The following GPM6B variants were observed in gnomAD, a reference collection of about 807,000 sequenced individuals.
GPM6B encodes glycoprotein M6B, also known as neuronal membrane glycoprotein M6-b.
Under a neutral mutation model 27.2 loss-of-function variants are expected in GPM6B, and 4 were observed. The observed-to-expected ratio is 0.15, with a 90% CI of 0.07 to 0.34. The LOEUF (loss-of-function observed/expected upper bound fraction) is 0.34, where lower values mean the gene tolerates loss of function less well. Among genes scored for constraint, GPM6B ranks in the 10% least tolerant of loss-of-function variants. The pLI is 1.00. For missense variants in GPM6B, 183 were observed against 261.9 expected (o/e 0.70, Z 2.08); for synonymous variants, 124 against 103.1 (o/e 1.20, Z -1.23).
At chrX:13,859,754 T>C (rs1400411906) in intron 1 of GPM6B, among the ~76,000 whole-genome samples, 1 of 111,435 alleles carries the variant, frequency 9.0e-6, no homozygotes, top group Non-Finnish European at 1.9e-5. Flanking sequence ...ATAGTTGTCA[T>C]AGGGATTAGA....
chrX:13,935,471 T>A (rs1447758326), intron 1 of GPM6B, among the ~76,000 whole-genome samples: 1 of 110,735 alleles, frequency 9.0e-6, no homozygotes, highest in Non-Finnish European at 1.9e-5. Context: ...AGTTATTACA[T>A]CAGGCCACTG....
intron 3 of GPM6B, 46 bp from the exon 4 acceptor site, chrX:13,783,567 G>T (rs376655971): frequency 1.9e-6 from 2 of 1,061,390 alleles, no homozygotes; most frequent in Non-Finnish European, 2.6e-6. Flanking sequence ...TCACTGCCTG[G>T]TAGTGACTAC....
upstream of GPM6B, among the ~76,000 whole-genome samples, chrX:13,818,201 G>A (rs1044041902): frequency 3.6e-5 from 4 of 111,852 alleles, no homozygotes; most frequent in African/African-American, 6.5e-5. Flanking sequence ...ACTGGCCTTC[G>A]CCGTCCCTAT....
chrX:13,901,001 G>T (rs190747956), intron 1 of GPM6B, among the ~76,000 whole-genome samples: 29 of 112,082 alleles, frequency 2.6e-4, no homozygotes, highest in African/African-American at 7.8e-4. Context: ...TGTATGACTT[G>T]CAATGTCCCT....
chrX:13,785,952 A>G (rs2048605309), intron 2 of GPM6B, 144 bp from the exon 3 acceptor site: 1 of 478,442 alleles, frequency 2.1e-6, no homozygotes, highest in Non-Finnish European at 3.5e-6. Context: ...TCGACATCCC[A>G]AGGGCCAGTG....
chrX:13,818,737 T>G (rs1381075324), upstream of GPM6B, among the ~76,000 whole-genome samples: 2 of 112,552 alleles, frequency 1.8e-5, no homozygotes, highest in Non-Finnish European at 3.7e-5. Context: ...ATTATTTCCA[T>G]GGGAAAACCC....
At chrX:13,930,832 C>G (rs185310843) in intron 1 of GPM6B, among the ~76,000 whole-genome samples, 1 of 111,996 alleles carries the variant, frequency 8.9e-6, no homozygotes, top group African/African-American at 3.2e-5. Context: ...TTAAACATTT[C>G]TACAAAGAAA....
intron 1 of GPM6B, among the ~76,000 whole-genome samples, chrX:13,822,471 T>C (rs2049321201): frequency 9.0e-6 from 1 of 110,988 alleles, no homozygotes. Context: ...GTTCAAGCGA[T>C]TCTCCTGCTT....
chrX:13,819,590 C>T (rs1469560722), upstream of GPM6B, among the ~76,000 whole-genome samples: 1 of 112,109 alleles, frequency 8.9e-6, no homozygotes, highest in Non-Finnish European at 1.9e-5. Flanking sequence ...AGCAGTTTCA[C>T]GTGGTTTGAC....
chrX:13,915,520 T>A (rs978162369), intron 1 of GPM6B, among the ~76,000 whole-genome samples: 1 of 111,541 alleles, frequency 9.0e-6, no homozygotes, highest in African/African-American at 3.3e-5. Flanking sequence ...CAGGAGGAGG[T>A]GAGAAACACA....
chrX:13,936,456 G>C (rs1421034108), intron 1 of GPM6B, among the ~76,000 whole-genome samples: 2 of 111,840 alleles, frequency 1.8e-5, no homozygotes, highest in Admixed American at 9.5e-5. Context: ...TGGGCCAATG[G>C]TCAGAATTTT....
At chrX:13,920,869 C>T (rs190108685) in intron 1 of GPM6B, among the ~76,000 whole-genome samples, 1,149 of 101,868 alleles carry the variant, frequency 0.011, 17 homozygotes, top group African/African-American at 0.04. Flanking sequence ...CCAGCCTGGG[C>T]GATAGAGTGA....
chrX:13,907,512 C>T (rs1012548663), intron 1 of GPM6B, among the ~76,000 whole-genome samples: 2 of 111,190 alleles, frequency 1.8e-5, no homozygotes, highest in Non-Finnish European at 1.9e-5. Flanking sequence ...GGTGAAACCC[C>T]GTCTCTACTA....
At chrX:13,868,056 G>A (rs2049937678) in intron 1 of GPM6B, among the ~76,000 whole-genome samples, 1 of 111,625 alleles carries the variant, frequency 9.0e-6, no homozygotes, top group African/African-American at 3.3e-5. Flanking sequence ...CTAGCACGGT[G>A]CCTCTTTCTG....
chrX:13,935,353 A>AAC (rs1383456748), intron 1 of GPM6B, among the ~76,000 whole-genome samples: 4 of 104,974 alleles, frequency 3.8e-5, no homozygotes, highest in Non-Finnish European at 5.8e-5. Flanking sequence ...AAAAAAAAAA[A>AAC]AAAACTGTAA....
chrX:13,789,104 A>G (rs2048664548), intron 2 of GPM6B, among the ~76,000 whole-genome samples: 1 of 112,162 alleles, frequency 8.9e-6, no homozygotes, highest in African/African-American at 3.2e-5. Flanking sequence ...CTAGTGACAT[A>G]AAATATGGGA....
At chrX:13,883,703 A>C (rs1217979278) in intron 1 of GPM6B, among the ~76,000 whole-genome samples, 8 of 101,271 alleles carry the variant, frequency 7.9e-5, no homozygotes, top group Non-Finnish European at 1.4e-4. Context: ...TAAAAAAAAA[A>C]AAAAAAAATT....
At chrX:13,812,206 C>T (rs886502582) in intron 1 of GPM6B, among the ~76,000 whole-genome samples, 24 of 109,108 alleles carry the variant, frequency 2.2e-4, no homozygotes, top group Non-Finnish European at 3.2e-4. Context: ...CACACCACCA[C>T]GCCCGGCTAA....
intron 1 of GPM6B, among the ~76,000 whole-genome samples, chrX:13,910,357 C>G (rs1303877250): frequency 8.9e-6 from 1 of 112,563 alleles, no homozygotes; most frequent in Non-Finnish European, 1.9e-5. Context: ...CTCTAGGTGA[C>G]TCCACTGTAC....
Sources: allele counts gnomAD v4.1 joint callset (sites outside exome capture counted in the v4.1 genomes callset), GRCh38; gene constraint gnomAD v4.1.1; transcripts MANE v1.5; gene names NCBI Gene and HGNC (gene_info 2026-07-23, HGNC 2026-07-21).